KCNN2: variants seen among roughly 807,000 people sequenced by gnomAD.
KCNN2 encodes potassium calcium-activated channel subfamily N member 2.
KCNN2 carries 24 observed loss-of-function variants against 55.5 expected under a neutral mutation model. The observed-to-expected ratio is 0.43, with a 90% CI of 0.31 to 0.61. KCNN2 has a LOEUF of 0.61. KCNN2 is among the 20% of genes least tolerant of loss of function. KCNN2 has a pLI of 0.08. For missense variants in KCNN2, 754 were observed against 853.6 expected, an observed-to-expected ratio of 0.88 and a Z score of 1.45; for synonymous variants, 431 against 336.1, an observed-to-expected ratio of 1.28 and a Z score of -3.09.
chr5:114,194,574 GGTTTGT>G (rs1306695119), intron 1 of KCNN2, among the ~76,000 whole-genome samples: 1 of 151,780 alleles, frequency 6.6e-6, no homozygotes, highest in African/African-American at 2.4e-5. Context: ...GAGTGGTAAG[GGTTTGT>G]TACGTATTCT....
chr5:114,480,842 A>G (rs1019278105), intron 5 of KCNN2, among the ~76,000 whole-genome samples: 3 of 152,190 alleles, frequency 2.0e-5, no homozygotes, highest in African/African-American at 7.2e-5. Context: ...GCTCTCAATA[A>G]ACTAGGTACT....
chr5:114,279,948 C>G (rs1362058558), intron 2 of KCNN2, among the ~76,000 whole-genome samples: 7 of 152,208 alleles, frequency 4.6e-5, no homozygotes, highest in Non-Finnish European at 1.0e-4. Flanking sequence ...TCTCCACATC[C>G]TCTCCAGCAC....
chr5:114,136,839 A>G lies in KCNN2; in HGVS notation c.-271+80339A>G, dbSNP rs538048595. The stretch of plus-strand genomic sequence containing the variant: ...TAAGTGAGAACCTTAAATAAGCTCT[A>G]GCAAGTGGCAGGCATTCAAGTTTGC... On this transcript the variant is annotated intron_variant, in intron 1 of 10. Transcript: ENST00000512097. Among the ~76,000 whole-genome samples the G allele has an allele frequency of 9.3e-4, 141 of 152,318 alleles. 2 individuals are homozygous for G. In the South Asian group the frequency reaches 0.016, roughly 18 times the overall value.
intron 5 of KCNN2, among the ~76,000 whole-genome samples, chr5:114,481,760 A>C (rs530265364): frequency 6.6e-6 from 1 of 152,300 alleles, no homozygotes; most frequent in African/African-American, 2.4e-5. Context: ...TCTTCAACAA[A>C]CCTGACAAAA....
At chr5:114,414,623 A>G (rs1428004994) in intron 3 of KCNN2, among the ~76,000 whole-genome samples, 2 of 152,194 alleles carry the variant, frequency 1.3e-5, no homozygotes, top group Non-Finnish European at 2.9e-5. Context: ...AATTAAGGAT[A>G]CTAAAAAAGG....
intron 1 of KCNN2, among the ~76,000 whole-genome samples, chr5:114,218,351 C>T (rs930140468): frequency 6.6e-6 from 1 of 152,128 alleles, no homozygotes; most frequent in Non-Finnish European, 1.5e-5. Flanking sequence ...TATCCTTCAG[C>T]AGGTGAATGG....
At chr5:114,270,543 T>A (rs376033781) in intron 2 of KCNN2, among the ~76,000 whole-genome samples, 7 of 152,330 alleles carry the variant, frequency 4.6e-5, no homozygotes, top group African/African-American at 1.4e-4. Context: ...AAACCACTAC[T>A]ACTAAAAATG....
At chr5:114,477,908 G>C (rs1762044240) in intron 5 of KCNN2, among the ~76,000 whole-genome samples, 1 of 152,178 alleles carries the variant, frequency 6.6e-6, no homozygotes, top group African/African-American at 2.4e-5. Flanking sequence ...CTATTATGCA[G>C]TTATATAATT....
intron 5 of KCNN2, 118 bp downstream of exon 5, chr5:114,473,282 A>G: frequency 1.4e-6 from 1 of 698,220 alleles, no homozygotes; most frequent in East Asian, 2.7e-5. Context: ...AAGTATAGGC[A>G]TTCTTGGAAT....
intron 2 of KCNN2, among the ~76,000 whole-genome samples, chr5:114,379,849 TTA>T (rs1045440925): frequency 6.9e-6 from 1 of 145,730 alleles, no homozygotes; most frequent in Admixed American, 6.9e-5. Flanking sequence ...AGCTTATATA[TTA>T]TATAGCATAT....
intron 5 of KCNN2, among the ~76,000 whole-genome samples, chr5:114,480,461 C>CTATCCCAA (rs895136221): frequency 6.6e-6 from 1 of 152,118 alleles, no homozygotes; most frequent in Non-Finnish European, 1.5e-5. Flanking sequence ...TCTACAGAAA[C>CTATCCCAA]TATCCCAAAA....
intron 2 of KCNN2, among the ~76,000 whole-genome samples, chr5:114,276,825 G>C (rs996071226): frequency 6.6e-6 from 1 of 151,966 alleles, no homozygotes; most frequent in African/African-American, 2.4e-5. Context: ...GGGACATTTA[G>C]TCCATTTACA....
In KCNN2 at chr5:114,496,079, G is replaced by A; in HGVS notation, c.2273G>A (p.Ser758Asn). ...QRDFIEAQME[S>N]YDKHVTYNAE... ...GATTTCATTGAGGCTCAGATGGAGA[G>A]CTACGACAAGCACGTCACTTACAAT... Residue 758 changes from serine to asparagine, a missense_variant, in exon 8 of 8, where the codon AGC becomes AAC. Around this residue, in one of 4 missense-constraint regions of KCNN2, gnomAD observed 164 missense variants for 156.6 expected, o/e 1.05. Transcript: ENST00000673685. The A allele has an allele frequency of 6.2e-7, 1 of 1,614,024 alleles. No homozygotes were observed. Among genetic ancestry groups the A allele is most frequent in the Non-Finnish European group, 8.5e-7 (1 of 1,179,968 alleles).
intron 3 of KCNN2, among the ~76,000 whole-genome samples, chr5:114,451,615 G>A (rs1760680949): frequency 6.6e-6 from 1 of 152,130 alleles, no homozygotes; most frequent in Non-Finnish European, 1.5e-5. Context: ...AAAAATTCAA[G>A]GCTGGAGGCG....
intron 3 of KCNN2, among the ~76,000 whole-genome samples, chr5:114,412,640 T>C (rs1484954660): frequency 1.3e-5 from 2 of 152,208 alleles, no homozygotes; most frequent in Non-Finnish European, 2.9e-5. Context: ...GAGTGCTAGC[T>C]CATTTTCCTG....
At chr5:114,386,786 TTC>T (rs1239431001) in intron 2 of KCNN2, among the ~76,000 whole-genome samples, 1 of 152,224 alleles carries the variant, frequency 6.6e-6, no homozygotes, top group East Asian at 1.9e-4. Flanking sequence ...AGCGAATACA[TTC>T]TGTCTGCCTC....
chr5:114,432,487 GACA>G (rs1759828834), intron 3 of KCNN2, among the ~76,000 whole-genome samples: 1 of 151,966 alleles, frequency 6.6e-6, no homozygotes, highest in Admixed American at 6.6e-5. Flanking sequence ...GTTTCTTGTG[GACA>G]ACACATGGTT....
chr5:114,296,654 G>T (rs1306056779), intron 2 of KCNN2, among the ~76,000 whole-genome samples: 1 of 152,178 alleles, frequency 6.6e-6, no homozygotes, highest in African/African-American at 2.4e-5. Flanking sequence ...AGGGAGGCAG[G>T]AGCATGGTGC....
chr5:114,246,203 G>C (rs953022327), intron 2 of KCNN2, among the ~76,000 whole-genome samples: 3 of 152,042 alleles, frequency 2.0e-5, no homozygotes, highest in African/African-American at 7.2e-5. Context: ...AAATATATAT[G>C]ATACTAAAGA....
Sources: gnomAD v4.1 joint callset for allele counts (sites outside exome capture counted in the v4.1 genomes callset) on GRCh38, gnomAD v4.1.1 for gene constraint, gnomAD v4.1.1 regional missense constraint, MANE v1.5 for transcripts, NCBI Gene and HGNC (gene_info 2026-07-23, HGNC 2026-07-21) for gene names.